The following WWC2 variants were observed in gnomAD, a reference collection of about 807,000 sequenced individuals.
WWC2 encodes WW and C2 domain containing 2, also known as protein WWC2.
A neutral mutation model predicts 138.5 loss-of-function variants in WWC2; 101 were observed. The observed-to-expected ratio is 0.73, with a 90% CI of 0.62 to 0.86. WWC2 has a LOEUF of 0.86. WWC2 is among the 40% of genes least tolerant of loss of function. The pLI is 0.00. For missense variants in WWC2, 1,420 were observed against 1,419.4 expected, an observed-to-expected ratio of 1.00 and a Z score of -0.01; for synonymous variants, 558 against 538.4, an observed-to-expected ratio of 1.04 and a Z score of -0.50.
At chr4:183,266,642 A>G (rs1737514436) in intron 14 of WWC2, among the ~76,000 whole-genome samples, 1 of 152,266 alleles carries the variant, frequency 6.6e-6, no homozygotes, top group Non-Finnish European at 1.5e-5. Context: ...AGTACCAGGA[A>G]GAATCCAGAC....
Position 183,302,715 on chromosome 4 carries a change from C to A in WWC2, c.3385-9626C>A, listed in dbSNP as rs554760411. On this transcript the variant is annotated intron_variant, in intron 21 of 22. Coordinates refer to ENST00000403733, the MANE Select transcript of WWC2 (RefSeq NM_024949.6). ...CAAAAAATTGACAGAAGCCAACTCA[C>A]ATATTTGTAAGACCCCACTGTCCCT... Among the ~76,000 whole-genome samples, 48 of 152,294 alleles carry A rather than the reference C, an allele frequency of 3.2e-4. 1 individual carries two copies. The South Asian group carries it at 4.8e-3, about 15-fold the overall frequency.
intron 1 of WWC2, among the ~76,000 whole-genome samples, chr4:183,186,683 C>T (rs1474891820): frequency 1.3e-5 from 2 of 151,988 alleles, no homozygotes; most frequent in South Asian, 2.1e-4. Flanking sequence ...GCAGGCTAGC[C>T]TGGAGGAGGG....
chr4:183,267,937 A>T (rs1173174862), intron 14 of WWC2, among the ~76,000 whole-genome samples: 1 of 152,044 alleles, frequency 6.6e-6, no homozygotes, highest in African/African-American at 2.4e-5. Context: ...TTATTTTTTG[A>T]TTATTAATTG....
chr4:183,108,430 C>T (rs1476209646), intron 1 of WWC2, among the ~76,000 whole-genome samples: 3 of 151,988 alleles, frequency 2.0e-5, no homozygotes, highest in African/African-American at 4.8e-5. Context: ...CTGACCAGTA[C>T]CCCTCAAAAC....
At chr4:183,148,737 C>A (rs1733545566) in intron 1 of WWC2, among the ~76,000 whole-genome samples, 1 of 152,122 alleles carries the variant, frequency 6.6e-6, no homozygotes, top group Non-Finnish European at 1.5e-5. Context: ...CAAGGACTTT[C>A]CTATTCAACT....
At chr4:183,110,606 C>A (rs1458775916) in intron 1 of WWC2, among the ~76,000 whole-genome samples, 3 of 151,958 alleles carry the variant, frequency 2.0e-5, no homozygotes, top group Non-Finnish European at 4.4e-5. Flanking sequence ...TGAGGAATTA[C>A]AATAGTTCCA....
intron 21 of WWC2, among the ~76,000 whole-genome samples, chr4:183,299,814 G>A (rs1560894018): frequency 6.6e-6 from 1 of 152,112 alleles, no homozygotes; most frequent in Non-Finnish European, 1.5e-5. Context: ...TGACCATAAA[G>A]TGCCTAAGGA....
intron 1 of WWC2, among the ~76,000 whole-genome samples, chr4:183,164,349 TATATATACATATATATA>T (rs1734063298): frequency 2.1e-5 from 3 of 139,800 alleles, no homozygotes; most frequent in Non-Finnish European, 4.6e-5. Context: ...ATATATATAT[TATATATACATATATATA>T]TTATATATAC....
intron 1 of WWC2, among the ~76,000 whole-genome samples, chr4:183,156,333 CTTTTTTTT>C (rs143885415): frequency 4.3e-5 from 5 of 117,624 alleles, no homozygotes; most frequent in African/African-American, 3.2e-5. Flanking sequence ...GCCCTTTGTT[CTTTTTTTT>C]TTTTTTTTTT....
intron 2 of WWC2, among the ~76,000 whole-genome samples, chr4:183,201,651 C>T (rs1735302312): frequency 6.6e-6 from 1 of 152,210 alleles, no homozygotes; most frequent in Admixed American, 6.5e-5. Flanking sequence ...ATAAATATAG[C>T]AGATTATTCT....
intron 1 of WWC2, among the ~76,000 whole-genome samples, chr4:183,132,700 T>G (rs1484807349): frequency 3.9e-5 from 6 of 151,954 alleles, no homozygotes; most frequent in Admixed American, 1.3e-4. Flanking sequence ...TGATCCGCCC[T>G]CCTCAGCCTC....
At chr4:183,170,680 A>C (rs780610176) in intron 1 of WWC2, among the ~76,000 whole-genome samples, 2 of 152,130 alleles carry the variant, frequency 1.3e-5, no homozygotes, top group Non-Finnish European at 2.9e-5. Flanking sequence ...ATAAATAGTC[A>C]TCATGTTGTG....
intron 4 of WWC2, among the ~76,000 whole-genome samples, chr4:183,230,545 C>T (rs975590264): frequency 2.6e-5 from 4 of 152,224 alleles, no homozygotes; most frequent in East Asian, 1.9e-4. Context: ...GGCGCAGTGG[C>T]GCACGCCTGT....
intron 2 of WWC2, 28 bp downstream of exon 2, chr4:183,193,736 A>T (rs541479561): frequency 2.6e-6 from 4 of 1,560,516 alleles, no homozygotes; most frequent in Non-Finnish European, 3.5e-6. Flanking sequence ...GTAAAAGCAA[A>T]CATATCAGAA....
In WWC2 at chr4:183,317,910, G is replaced by A. The variant is rs934713274; in HGVS notation, c.*2181G>A. 2 of 152,156 alleles carry A rather than the reference G, an allele frequency of 1.3e-5. No individual in the cohort carries two copies. Among genetic ancestry groups the A allele is most frequent in the Non-Finnish European group, 2.9e-5 (2 of 68,008 alleles). The allele number at this position is 152,156 out of a possible 1,614,324, so 9.4% of individuals were successfully genotyped here. On this transcript the variant is annotated 3_prime_UTR_variant, in exon 23 of 23. Coordinates refer to ENST00000403733, the MANE Select transcript of WWC2 (RefSeq NM_024949.6). ...CAAAATTTCCTCATTTCTAACATGA[G>A]AGATGAACTTATTTTAATATAATCC...
At chr4:183,103,234 G>A (rs576940927) in intron 1 of WWC2, among the ~76,000 whole-genome samples, 1 of 151,998 alleles carries the variant, frequency 6.6e-6, no homozygotes, top group East Asian at 1.9e-4. Context: ...GGGAGGAAGG[G>A]GGTGCCAGCT....
Position 183,319,164 on chromosome 4 carries a change from A to G in WWC2, c.*3435A>G, listed in dbSNP as rs1404425344. ...GTCATGCATTTTAAATAAATATGCA[A>G]CAAGACCTCAGGCTTATTATACTAG... On this transcript the variant is annotated 3_prime_UTR_variant, in exon 23 of 23. Transcript: ENST00000403733. 8 of 164,976 alleles carry G rather than the reference A, an allele frequency of 4.8e-5. No individual in the cohort carries two copies. The South Asian group carries it at 1.1e-3, about 23-fold the overall frequency. 10.2% of individuals were successfully genotyped at this position (164,976 alleles called of 1,614,324 possible). A position where few individuals can be genotyped will look rare whatever the true frequency, so the allele number is the denominator to read the frequency against.
intron 1 of WWC2, among the ~76,000 whole-genome samples, chr4:183,115,978 A>T (rs1732396678): frequency 1.3e-5 from 2 of 152,082 alleles, no homozygotes; most frequent in South Asian, 2.1e-4. Flanking sequence ...TTTAGGTTTT[A>T]CACTTAAGTC....
chr4:183,158,471 T>C (rs1733868132), intron 1 of WWC2, among the ~76,000 whole-genome samples: 1 of 151,632 alleles, frequency 6.6e-6, no homozygotes, highest in African/African-American at 2.4e-5. Flanking sequence ...ACATGGTCTT[T>C]CCTGTCTGTG....
Sources: gnomAD v4.1 joint callset for allele counts (sites outside exome capture counted in the v4.1 genomes callset) on GRCh38, gnomAD v4.1.1 for gene constraint, MANE v1.5 for transcripts, NCBI Gene and HGNC (gene_info 2026-07-23, HGNC 2026-07-21) for gene names.